NRXN3: variants seen among roughly 807,000 people sequenced by gnomAD.
NRXN3 encodes the protein neurexin III.
In NRXN3, 32 loss-of-function variants were observed where a neutral mutation model predicts 137.6. The observed-to-expected ratio is 0.23, with a 90% CI of 0.18 to 0.31. The LOEUF is 0.31. NRXN3 is among the 10% of genes least tolerant of loss of function. The pLI, the probability that NRXN3 is intolerant of heterozygous loss-of-function variation, is 1.00. For missense variants in NRXN3, 1,574 were observed against 2,062.5 expected (o/e 0.76, Z 4.59); for synonymous variants, 798 against 784.5 (o/e 1.02, Z -0.29).
chr14:78,393,977 G>T (rs2153645283), intron 4 of NRXN3, among the ~76,000 whole-genome samples: 1 of 151,912 alleles, frequency 6.6e-6, no homozygotes, highest in Non-Finnish European at 1.5e-5. Context: ...TCACATATTG[G>T]TTCTATGTGT....
intron 8 of NRXN3, among the ~76,000 whole-genome samples, chr14:78,757,419 A>AAAAAAG (rs1025190771): frequency 1.3e-5 from 2 of 152,032 alleles, no homozygotes; most frequent in African/African-American, 2.4e-5. Context: ...TAAAAAAAAA[A>AAAAAAG]AAAGGATTCT....
At chr14:78,958,818 A>T (rs866585880) in intron 11 of NRXN3, among the ~76,000 whole-genome samples, 3 of 152,188 alleles carry the variant, frequency 2.0e-5, no homozygotes, top group Non-Finnish European at 4.4e-5. Context: ...AACTTGCAGG[A>T]CGTTAGGAAA....
chr14:79,194,229 G>T (rs2064826397), intron 15 of NRXN3, among the ~76,000 whole-genome samples: 2 of 152,180 alleles, frequency 1.3e-5, no homozygotes, highest in Non-Finnish European at 2.9e-5. Context: ...TGTTTTCAGT[G>T]ATTGCTCAGG....
At chr14:79,302,023 T>G (rs1473348332) in intron 15 of NRXN3, among the ~76,000 whole-genome samples, 1 of 152,022 alleles carries the variant, frequency 6.6e-6, no homozygotes, top group Non-Finnish European at 1.5e-5. Flanking sequence ...AAAACACTCC[T>G]TTTCTTCTGA....
rs142916062 is a variant in NRXN3 at position 79,187,067 on chromosome 14, A to G, written c.3262+198926A>G. On this transcript the variant is annotated intron_variant, in intron 15 of 20. Coordinates refer to ENST00000335750, the MANE Select transcript of NRXN3 (RefSeq NM_001330195.2). ...TTACCATTTTTCTGCTGTGATAGTT[A>G]ACCAAGGCCATGGGCTTCGTTCACC... is the stretch of plus-strand genomic sequence containing the variant. 2.5e-3 allele frequency among the ~76,000 whole-genome samples: 375 copies of G among 152,320 alleles called. 2 individuals are homozygous for G. Among genetic ancestry groups the G allele is most frequent in the African/African-American group, 8.4e-3 (350 of 41,554 alleles).
chr14:79,514,079 A>G (rs2096958843), intron 16 of NRXN3, among the ~76,000 whole-genome samples: 2 of 152,172 alleles, frequency 1.3e-5, no homozygotes, highest in Admixed American at 1.3e-4. Flanking sequence ...CTTTCATAGG[A>G]CTGAATCAGG....
At chr14:79,381,527 G>A (rs1006675385) in intron 15 of NRXN3, among the ~76,000 whole-genome samples, 3 of 152,106 alleles carry the variant, frequency 2.0e-5, no homozygotes, top group African/African-American at 7.2e-5. Context: ...TTCCTCTGAG[G>A]ACGATGAACC....
At chr14:78,749,068 C>A (rs2098628603) in intron 8 of NRXN3, among the ~76,000 whole-genome samples, 1 of 152,098 alleles carries the variant, frequency 6.6e-6, no homozygotes. Flanking sequence ...AGAGTCTGGC[C>A]ACATTCTGAT....
intron 4 of NRXN3, among the ~76,000 whole-genome samples, chr14:78,365,456 A>G (rs1181943282): frequency 6.6e-6 from 1 of 152,178 alleles, no homozygotes; most frequent in East Asian, 1.9e-4. Flanking sequence ...CAGCTGACAA[A>G]TGAAAAAACA....
In NRXN3 at chr14:78,391,149, A is replaced by G. The variant is rs143142290; in HGVS notation, c.757+93289A>G. Among the ~76,000 whole-genome samples, 11 of 152,310 alleles carry G rather than the reference A, an allele frequency of 7.2e-5. No homozygotes were observed. In the East Asian group the frequency reaches 1.9e-3, roughly 27 times the overall value. Reference sequence around the variant, plus strand: ...ATGGCTGCATAGTATTCTATGGTGCATATGTACCCCTGTTCTGATTATCTT... The same window carrying G: ...ATGGCTGCATAGTATTCTATGGTGCGTATGTACCCCTGTTCTGATTATCTT... On this transcript the variant is annotated intron_variant, in intron 4 of 20. Transcript: ENST00000335750.
intron 16 of NRXN3, among the ~76,000 whole-genome samples, chr14:79,559,761 T>A (rs905723957): frequency 2.0e-5 from 3 of 152,142 alleles, no homozygotes; most frequent in Admixed American, 6.5e-5. Flanking sequence ...AAAAGTGCAA[T>A]AAAATGATGT....
chr14:78,324,894 C>T (rs1438365728), intron 4 of NRXN3, among the ~76,000 whole-genome samples: 1 of 151,756 alleles, frequency 6.6e-6, no homozygotes, highest in Non-Finnish European at 1.5e-5. Flanking sequence ...TGAGAAGACC[C>T]AATTTGGCCA....
At chr14:79,210,483 C>G (rs1281272463) in intron 15 of NRXN3, among the ~76,000 whole-genome samples, 1 of 152,164 alleles carries the variant, frequency 6.6e-6, no homozygotes, top group African/African-American at 2.4e-5. Context: ...CAGCGAGGAT[C>G]TGTGCAACTA....
intron 4 of NRXN3, among the ~76,000 whole-genome samples, chr14:78,440,458 AT>A (rs1229320574): frequency 6.7e-6 from 1 of 148,768 alleles, no homozygotes; most frequent in African/African-American, 2.5e-5. Context: ...AAAAAAAAAA[AT>A]GTAATTTGCA....
intron 15 of NRXN3, among the ~76,000 whole-genome samples, chr14:79,265,472 CAAG>C (rs962994866): frequency 6.6e-6 from 1 of 151,840 alleles, no homozygotes; most frequent in Non-Finnish European, 1.5e-5. Flanking sequence ...GAGAAATGTT[CAAG>C]AAGAAGATTT....
chr14:79,585,167 G>A (rs183781441), intron 16 of NRXN3, among the ~76,000 whole-genome samples: 43 of 152,252 alleles, frequency 2.8e-4, no homozygotes, highest in Non-Finnish European at 5.1e-4. Flanking sequence ...GCCCAAAGAT[G>A]TTGGGTTAAT....
chr14:79,445,308 C>A (rs925523967), intron 15 of NRXN3, among the ~76,000 whole-genome samples: 2 of 151,278 alleles, frequency 1.3e-5, no homozygotes, highest in African/African-American at 4.9e-5. Context: ...CCACTGCACT[C>A]CAGCCTGGTG....
chr14:79,257,261 C>G (rs1239660846), intron 15 of NRXN3, among the ~76,000 whole-genome samples: 1 of 146,936 alleles, frequency 6.8e-6, no homozygotes, highest in Non-Finnish European at 1.5e-5. Flanking sequence ...GTGTAAGTAA[C>G]AAGTATCAGA....
At chr14:78,190,704 C>T (rs887788073) in intron 1 of NRXN3, among the ~76,000 whole-genome samples, 6 of 152,002 alleles carry the variant, frequency 3.9e-5, no homozygotes, top group African/African-American at 1.2e-4. Context: ...TACTGAGTCT[C>T]ACTCTGTTGC....
Sources: allele counts gnomAD v4.1 joint callset (sites outside exome capture counted in the v4.1 genomes callset), GRCh38; gene constraint gnomAD v4.1.1; transcripts MANE v1.5; gene names NCBI Gene and HGNC (gene_info 2026-07-23, HGNC 2026-07-21).